The following PCDHA3 variants were observed in gnomAD, a reference collection of about 807,000 sequenced individuals.
The protein encoded by PCDHA3 is protocadherin alpha 3.
In PCDHA3, 41 loss-of-function variants were observed where a neutral mutation model predicts 62.2. The ratio of observed to expected loss-of-function variants is 0.66; its 90% CI spans 0.51 to 0.86. PCDHA3 has a LOEUF of 0.86. PCDHA3 is among the 40% of genes least tolerant of loss of function. PCDHA3 has a pLI of 0.00. For missense variants in PCDHA3, 1,304 were observed against 1,241.2 expected (o/e 1.05, Z -0.76); for synonymous variants, 640 against 555.4 (o/e 1.15, Z -2.14).
At chr5:140,926,772 G>A in intron 1 of PCDHA3, 1 of 1,380,738 alleles carries the variant, frequency 7.2e-7, no homozygotes, top group Non-Finnish European at 9.4e-7. Context: ...CCAGCCCGCA[G>A]CAGTGACGGC....
At chr5:140,914,030 G>T (rs2076568173) in intron 1 of PCDHA3, among the ~76,000 whole-genome samples, 1 of 152,298 alleles carries the variant, frequency 6.6e-6, no homozygotes, top group East Asian at 1.9e-4. Flanking sequence ...CACGTGCTGA[G>T]AAGAATGTGT....
intron 1 of PCDHA3, chr5:140,830,316 C>A (rs1770983457): frequency 1.2e-6 from 2 of 1,613,980 alleles, no homozygotes; most frequent in Non-Finnish European, 1.7e-6. Flanking sequence ...CTGGTGTGCT[C>A]CAGCGCAGTG....
chr5:140,946,221 A>G (rs1287007358), intron 1 of PCDHA3, among the ~76,000 whole-genome samples: 2 of 152,214 alleles, frequency 1.3e-5, no homozygotes, highest in Admixed American at 6.5e-5. Context: ...ACCAACAGGT[A>G]TACTAAAAAA....
Position 140,829,383 on chromosome 5 carries a change from G to C in PCDHA3, c.2394+25792G>C. On this transcript the variant is annotated intron_variant, in intron 1 of 3. Coordinates refer to ENST00000522353, the MANE Select transcript of PCDHA3 (RefSeq NM_018906.3). ...TTGGTGGTAACCGCGCGGGACGGGGGCTCGCCTTCGCTGTGGGCCACCGCC... is the reference window on the plus strand; with the variant it reads ...TTGGTGGTAACCGCGCGGGACGGGGCCTCGCCTTCGCTGTGGGCCACCGCC... 2 of 1,614,186 alleles carry C rather than the reference G, an allele frequency of 1.2e-6. No homozygotes were observed. The highest frequency in any genetic ancestry group is 1.7e-4 in the Middle Eastern group (1 of 6,044).
At chr5:140,854,870 CTG>C (rs2043251909) in intron 1 of PCDHA3, among the ~76,000 whole-genome samples, 1 of 149,668 alleles carries the variant, frequency 6.7e-6, no homozygotes, top group African/African-American at 2.4e-5. Flanking sequence ...TATTTCAGAA[CTG>C]TGTCTTTTGG....
intron 1 of PCDHA3, among the ~76,000 whole-genome samples, chr5:140,924,015 A>G (rs2081623207): frequency 6.6e-6 from 1 of 152,164 alleles, no homozygotes; most frequent in Admixed American, 6.5e-5. Flanking sequence ...AACCTGGTAT[A>G]ATTGGAGGCA....
intron 1 of PCDHA3, chr5:140,875,191 C>A: frequency 4.0e-6 from 2 of 502,492 alleles, no homozygotes; most frequent in Non-Finnish European, 6.4e-6. Flanking sequence ...TAAGAGTGAC[C>A]CAGGAAGTGG....
At chr5:140,884,533 G>T in intron 1 of PCDHA3, 1 of 1,614,082 alleles carries the variant, frequency 6.2e-7, no homozygotes, top group Non-Finnish European at 8.5e-7. Flanking sequence ...AGCAGAGGCG[G>T]CCGAGGGTGT....
At position 140,802,698 on chromosome 5, in the gene PCDHA3, G is replaced by C. The variant is rs781931721; in HGVS notation, c.1501G>C (p.Glu501Gln). ...SYSLVERRVG[E>Q]RALSSYVSVH... ...CTCGCTGGTGGAACGGCGGGTGGGG[G>C]AGCGCGCGCTGTCGAGCTACGTGTC... is the stretch of plus-strand genomic sequence containing the variant. The change falls in exon 1 of 4, where the codon GAG (glutamate) becomes CAG (glutamine). Residue 501 changes from glutamate to glutamine, a missense_variant. Transcript: ENST00000522353. 2 of 1,612,730 alleles carry C rather than the reference G, an allele frequency of 1.2e-6. No homozygotes were observed. The highest frequency in any genetic ancestry group is 1.7e-6 in the Non-Finnish European group (2 of 1,179,786).
chr5:140,973,015 A>T (rs1554234824), intron 1 of PCDHA3, among the ~76,000 whole-genome samples: 1 of 152,000 alleles, frequency 6.6e-6, no homozygotes, highest in African/African-American at 2.4e-5. Context: ...TGGTGTTGTG[A>T]TTGTTAATGA....
chr5:140,885,870 A>T (rs1302417773), intron 1 of PCDHA3, among the ~76,000 whole-genome samples: 1 of 152,162 alleles, frequency 6.6e-6, no homozygotes, highest in African/African-American at 2.4e-5. Context: ...TATTGAAAAA[A>T]AATTTTTAGT....
At chr5:140,955,470 G>C (rs1459601597) in intron 1 of PCDHA3, among the ~76,000 whole-genome samples, 2 of 151,850 alleles carry the variant, frequency 1.3e-5, no homozygotes, top group African/African-American at 4.8e-5. Context: ...CTTTTTGCTT[G>C]GCACCTCTCC....
chr5:140,975,752 A>G (rs577986836), intron 1 of PCDHA3, among the ~76,000 whole-genome samples: 2 of 152,320 alleles, frequency 1.3e-5, no homozygotes, highest in East Asian at 1.9e-4. Flanking sequence ...CAAATATTCT[A>G]TGTCATAAAT....
At chr5:140,838,905 AC>A (rs1331540825) in intron 1 of PCDHA3, among the ~76,000 whole-genome samples, 1 of 151,998 alleles carries the variant, frequency 6.6e-6, no homozygotes, top group African/African-American at 2.4e-5. Context: ...ACAGAGCAAT[AC>A]CTTGCCTCAA....
intron 1 of PCDHA3, chr5:140,884,206 C>A: frequency 6.2e-7 from 1 of 1,613,542 alleles, no homozygotes; most frequent in Admixed American, 1.7e-5. Flanking sequence ...CGCACCACCG[C>A]CTTCTGGTGC....
intron 1 of PCDHA3, among the ~76,000 whole-genome samples, chr5:140,902,906 G>T (rs1047423029): frequency 9.2e-5 from 14 of 152,162 alleles, no homozygotes; most frequent in Admixed American, 3.3e-4. Context: ...TTAGTTTATG[G>T]CTGAGTAGTA....
intron 1 of PCDHA3, among the ~76,000 whole-genome samples, chr5:140,949,671 G>A (rs1316716969): frequency 6.6e-6 from 1 of 151,584 alleles, no homozygotes. Context: ...TTTAAAGTAT[G>A]CCCTTGTTGA....
At chr5:140,967,535 T>C in intron 1 of PCDHA3, 3 of 1,613,746 alleles carry the variant, frequency 1.9e-6, no homozygotes, top group Non-Finnish European at 2.5e-6. Context: ...CTCTCCTGCC[T>C]TTGACCAGTC....
intron 1 of PCDHA3, among the ~76,000 whole-genome samples, chr5:140,974,079 G>A (rs1554235799): frequency 6.6e-6 from 1 of 152,180 alleles, no homozygotes. Flanking sequence ...CTATAACCAT[G>A]ACTTCAAAAA....
Sources: gnomAD v4.1 joint callset for allele counts (sites outside exome capture counted in the v4.1 genomes callset) on GRCh38, gnomAD v4.1.1 for gene constraint, MANE v1.5 for transcripts, NCBI Gene and HGNC (gene_info 2026-07-23, HGNC 2026-07-21) for gene names.